The following KCNMA1 variants were observed in gnomAD, a reference collection of about 807,000 sequenced individuals.
KCNMA1 encodes potassium calcium-activated channel subfamily M alpha 1, also known as Calcium-activated potassium channel subunit alpha-1.
In KCNMA1, 29 loss-of-function variants were observed where a neutral mutation model predicts 140.0. The observed-to-expected ratio is 0.21, with a 90% CI of 0.15 to 0.28. The LOEUF (loss-of-function observed/expected upper bound fraction) is 0.28. Among genes scored for constraint, KCNMA1 ranks in the 10% least tolerant of loss-of-function variants. The pLI, the probability that KCNMA1 is intolerant of heterozygous loss-of-function variation, is 1.00. For missense variants in KCNMA1, 880 were observed against 1,602.2 expected (o/e 0.55, Z 7.70); for synonymous variants, 612 against 611.9 (o/e 1.00, Z 0.00).
At chr10:77,520,054 G>GTGCAGTGTGAGGTCTGGAGTA (rs2052454251) in intron 1 of KCNMA1, among the ~76,000 whole-genome samples, 3 of 58,268 alleles carry the variant, frequency 5.1e-5, no homozygotes, top group African/African-American at 2.1e-4. Flanking sequence ...GTGTGAGGGT[G>GTGCAGTGTGAGGTCTGGAGTA]TGCAGTGTGA....
chr10:77,049,338 G>A (rs1397308021), intron 14 of KCNMA1, among the ~76,000 whole-genome samples: 1 of 152,172 alleles, frequency 6.6e-6, no homozygotes, highest in Non-Finnish European at 1.5e-5. Context: ...AATAGTAACT[G>A]CACACATCTC....
At chr10:77,448,823 T>C (rs1225451441) in intron 1 of KCNMA1, among the ~76,000 whole-genome samples, 1 of 152,194 alleles carries the variant, frequency 6.6e-6, no homozygotes, top group Non-Finnish European at 1.5e-5. Context: ...GGTGCAGTGC[T>C]CATGCCTGTA....
intron 2 of KCNMA1, among the ~76,000 whole-genome samples, chr10:77,255,988 G>A (rs1433884771): frequency 1.3e-5 from 2 of 152,006 alleles, no homozygotes; most frequent in African/African-American, 2.4e-5. Context: ...GGAGGAGAGA[G>A]GGGAAGTCCA....
intron 20 of KCNMA1, among the ~76,000 whole-genome samples, chr10:76,958,675 A>G (rs1241408237): frequency 6.6e-6 from 1 of 152,148 alleles, no homozygotes; most frequent in African/African-American, 2.4e-5. Context: ...AGGAGGGAAA[A>G]TCATGTGAAG....
At chr10:77,375,274 C>G (rs2095015421) in intron 2 of KCNMA1, among the ~76,000 whole-genome samples, 1 of 152,168 alleles carries the variant, frequency 6.6e-6, no homozygotes, top group African/African-American at 2.4e-5. Flanking sequence ...CCTTCAATCT[C>G]AAAGGCAATT....
At chr10:77,632,612 C>T (rs1248039957) in intron 1 of KCNMA1, among the ~76,000 whole-genome samples, 1 of 152,218 alleles carries the variant, frequency 6.6e-6, no homozygotes, top group African/African-American at 2.4e-5. Flanking sequence ...AGCCATAAGC[C>T]CATGTCTCAG....
intron 1 of KCNMA1, among the ~76,000 whole-genome samples, chr10:77,554,196 A>G (rs991876070): frequency 6.6e-6 from 1 of 152,220 alleles, no homozygotes; most frequent in Non-Finnish European, 1.5e-5. Flanking sequence ...CTGAAAGCCC[A>G]GGTTGCAGCA....
At chr10:77,234,871 C>T (rs888909685) in intron 3 of KCNMA1, among the ~76,000 whole-genome samples, 3 of 152,174 alleles carry the variant, frequency 2.0e-5, no homozygotes, top group African/African-American at 7.2e-5. Context: ...TAAAACACTT[C>T]TAAGAGAGGA....
chr10:77,332,093 C>G (rs1441948530), intron 2 of KCNMA1, among the ~76,000 whole-genome samples: 1 of 151,960 alleles, frequency 6.6e-6, no homozygotes, highest in East Asian at 1.9e-4. Flanking sequence ...AGGGCACAGC[C>G]CATTGTGGGA....
chr10:77,000,584 G>A (rs538268499), intron 19 of KCNMA1, among the ~76,000 whole-genome samples: 3 of 152,070 alleles, frequency 2.0e-5, no homozygotes, highest in Admixed American at 6.6e-5. Context: ...TATGGACTCA[G>A]GGATATCACA....
chr10:77,557,904 G>T (rs2065110948), intron 1 of KCNMA1, among the ~76,000 whole-genome samples: 1 of 151,992 alleles, frequency 6.6e-6, no homozygotes, highest in South Asian at 2.1e-4. Flanking sequence ...CCGGCCTCGG[G>T]CTCCCCTCTT....
At chr10:77,336,791 G>C (rs2089214404) in intron 2 of KCNMA1, among the ~76,000 whole-genome samples, 1 of 152,214 alleles carries the variant, frequency 6.6e-6, no homozygotes, top group Non-Finnish European at 1.5e-5. Context: ...GAACTAAGCA[G>C]ACCAGGCTGA....
intron 1 of KCNMA1, among the ~76,000 whole-genome samples, chr10:77,590,042 T>C (rs1457504992): frequency 6.6e-6 from 1 of 152,218 alleles, no homozygotes; most frequent in African/African-American, 2.4e-5. Flanking sequence ...CCAGAGTAGC[T>C]AGATACAGAG....
chr10:77,518,778 T>C (rs1405857589), intron 1 of KCNMA1, among the ~76,000 whole-genome samples: 2 of 152,174 alleles, frequency 1.3e-5, no homozygotes, highest in African/African-American at 4.8e-5. Flanking sequence ...GGACATGAAG[T>C]TGGCTGCCTC....
chr10:77,275,310 T>C (rs2066346956), intron 2 of KCNMA1, among the ~76,000 whole-genome samples: 1 of 152,142 alleles, frequency 6.6e-6, no homozygotes, highest in Admixed American at 6.5e-5. Flanking sequence ...GGGCTCTTAC[T>C]CCAGTATCTG....
chr10:77,083,501 TAAA>T (rs35527205), intron 12 of KCNMA1, among the ~76,000 whole-genome samples: 7 of 91,386 alleles, frequency 7.7e-5, no homozygotes, highest in Non-Finnish European at 1.3e-4. Context: ...AGATGTTCTG[TAAA>T]AAAAAAAAAA....
intron 3 of KCNMA1, chr10:77,249,545 T>A (rs1452793523): frequency 6.6e-6 from 1 of 152,224 alleles, no homozygotes; most frequent in East Asian, 1.9e-4. Context: ...TCTGGACTTC[T>A]AACCCATCAA....
At chr10:77,630,568 CCTT>C (rs1226950257) in intron 1 of KCNMA1, among the ~76,000 whole-genome samples, 6 of 152,150 alleles carry the variant, frequency 3.9e-5, no homozygotes, top group Non-Finnish European at 7.3e-5. Flanking sequence ...GCAGAGCAAA[CCTT>C]CTGCTTCTCA....
rs181734089 is a variant in KCNMA1 at position 77,559,265 on chromosome 10, G to C, written c.378+78000C>G. On this transcript the variant is annotated intron_variant, in intron 1 of 27. Transcript: ENST00000286628. ...AATCCTTTTTACATGGTGGTAAGTAGCAGCTTCCCTGAATTCCTGCATGCC... is the reference window on the plus strand; with the variant it reads ...AATCCTTTTTACATGGTGGTAAGTACCAGCTTCCCTGAATTCCTGCATGCC... 2.6e-5 allele frequency among the ~76,000 whole-genome samples: 4 copies of C among 152,306 alleles called. No homozygotes were observed. In the East Asian group the frequency reaches 7.7e-4, roughly 29 times the overall value.
Sources: gnomAD v4.1 joint callset for allele counts (sites outside exome capture counted in the v4.1 genomes callset) on GRCh38, gnomAD v4.1.1 for gene constraint, MANE v1.5 for transcripts, NCBI Gene and HGNC (gene_info 2026-07-23, HGNC 2026-07-21) for gene names.